The following RPL30 variants were observed in gnomAD, a reference collection of about 807,000 sequenced individuals.
The protein encoded by RPL30 is ribosomal protein L30.
For synonymous variants in RPL30, 40 were observed against 50.4 expected (o/e 0.79, Z 0.87); for missense variants, 60 against 138.0 (o/e 0.43, Z 2.83).
intron 4 of RPL30, chr8:98,042,269 T>C: frequency 2.0e-6 from 1 of 506,074 alleles, no homozygotes; most frequent in South Asian, 1.6e-5. Flanking sequence ...TGTAGATTTT[T>C]TGGCACTTTT....
chr8:98,045,439 G>C (rs535351227), intron 1 of RPL30, 40 bp from the exon 2 acceptor site: 2 of 1,597,360 alleles, frequency 1.3e-6, no homozygotes, highest in Admixed American at 1.7e-5. Context: ...TTTAGGATCC[G>C]GAGTTACAAA....
chr8:98,042,275 C>CTT, intron 4 of RPL30: 20 of 455,090 alleles, frequency 4.4e-5, no homozygotes, highest in East Asian at 1.1e-4. Context: ...TTTTTTGGCA[C>CTT]TTTTTTTTTT....
chr8:98,042,851 A>T (rs902229882), intron 3 of RPL30, 76 bp from the exon 4 acceptor site: 1 of 1,382,936 alleles, frequency 7.2e-7, no homozygotes, highest in African/African-American at 1.5e-5. Flanking sequence ...TACTTCTTTT[A>T]CTAGTGTTAA....
At chr8:98,045,206 T>C in intron 2 of RPL30, 118 bp from the exon 3 acceptor site, 1 of 1,536,824 alleles carries the variant, frequency 6.5e-7, no homozygotes, top group Non-Finnish European at 8.9e-7. Flanking sequence ...CCCAAGTCAT[T>C]GAGAGGGCCA....
intron 4 of RPL30, chr8:98,042,089 T>C (rs1344358692): frequency 1.5e-6 from 1 of 671,916 alleles, no homozygotes; most frequent in Non-Finnish European, 2.7e-6. Context: ...AAAATTGGTT[T>C]ATCACCAGCA....
intron 3 of RPL30, 151 bp downstream of exon 3, chr8:98,044,792 G>A (rs1814445885): frequency 2.4e-6 from 2 of 831,220 alleles, no homozygotes; most frequent in African/African-American, 3.4e-5. Context: ...GGGTCGGGGA[G>A]ACGGGAATGA....
chr8:98,043,028 G>T, intron 3 of RPL30: 1 of 303,822 alleles, frequency 3.3e-6, no homozygotes, highest in East Asian at 6.2e-5. Flanking sequence ...CAATACTCAC[G>T]GAAGAGGGTA....
intron 3 of RPL30, chr8:98,044,288 T>C (rs1814436143): frequency 6.6e-6 from 1 of 152,246 alleles, no homozygotes; most frequent in South Asian, 2.1e-4. Flanking sequence ...GCCGAACCCA[T>C]GGGACAAGAC....
chr8:98,042,671 A>C lies in RPL30; in HGVS notation c.272T>G (p.Val91Gly), dbSNP rs1814400454. 1 of 1,612,036 alleles carries C rather than the reference A, an allele frequency of 6.2e-7. No individual in the cohort carries two copies. The highest frequency in any genetic ancestry group is 8.5e-7 in the Non-Finnish European group (1 of 1,179,370). The change falls in exon 4 of 5, where the codon GTG (valine) becomes GGG (glycine). Residue 91 changes from valine (V) to glycine (G), a missense_variant. Transcript: ENST00000287038. ...LGTACGKYYR[V>G]CTLAIIDPGD... is the part of the protein sequence containing the mutation. ...TGGATCAATGATAGCCAGTGTGCAC[A>C]CTCTGTAGTATTTTCCGCATGCTGT...
At chr8:98,042,240 C>T (rs766853620) in intron 4 of RPL30, 8 of 524,372 alleles carry the variant, frequency 1.5e-5, no homozygotes, top group African/African-American at 7.7e-5. Flanking sequence ...CAAAGATTCA[C>T]AATTGGAAAA....
chr8:98,041,884 C>A (rs1235553633), intron 4 of RPL30, 34 bp from the exon 5 acceptor site: 1 of 1,445,626 alleles, frequency 6.9e-7, no homozygotes, highest in Non-Finnish European at 9.6e-7. Context: ...AGTAATTTTA[C>A]AATTCATTTA....
At chr8:98,042,176 G>A (rs1196199909) in intron 4 of RPL30, 1 of 576,396 alleles carries the variant, frequency 1.7e-6, no homozygotes, top group Non-Finnish European at 3.3e-6. Context: ...TGTTTAGCCT[G>A]TCCTGACTAT....
chr8:98,042,158 A>G (rs1444173200), intron 4 of RPL30: 1 of 594,376 alleles, frequency 1.7e-6, no homozygotes, highest in Non-Finnish European at 3.2e-6. Context: ...TGGTCTTAAT[A>G]TAGCGAATGT....
chr8:98,042,474 T>C (rs1814394735), intron 4 of RPL30, 171 bp downstream of exon 4: 2 of 622,776 alleles, frequency 3.2e-6, no homozygotes. Context: ...TTATAATGTA[T>C]TGGCATTCAT....
chr8:98,043,133 CT>C (rs898172381), intron 3 of RPL30: 59 of 153,966 alleles, frequency 3.8e-4, no homozygotes, highest in South Asian at 1.0e-3. Flanking sequence ...GTATTATGTA[CT>C]TTTTTTTTTG....
Position 98,045,349 on chromosome 8 carries a change from T to C in RPL30, c.19A>G (p.Thr7Ala). MVAAKK[T>A]KKSLESINSR... ...CGGGCCTGGCCCGCCTCACTCACCGTCTTCTTTGCGGCCACCATCTTCCTG... is the reference window on the plus strand; with the variant it reads ...CGGGCCTGGCCCGCCTCACTCACCGCCTTCTTTGCGGCCACCATCTTCCTG... Residue 7 changes from threonine (T) to alanine (A), a missense_variant and splice_region_variant, in exon 2 of 5, where the codon ACG becomes GCG. Coordinates refer to ENST00000287038, the MANE Select transcript of RPL30 (RefSeq NM_000989.4). 1 of 1,614,168 alleles carries C rather than the reference T, an allele frequency of 6.2e-7. No individual in the cohort carries two copies. Among genetic ancestry groups the C allele is most frequent in the Non-Finnish European group, 8.5e-7 (1 of 1,180,032 alleles).
At chr8:98,042,071 CAT>C in intron 4 of RPL30, 1 of 695,976 alleles carries the variant, frequency 1.4e-6, no homozygotes, top group East Asian at 2.8e-5. Context: ...ATAAAATGAT[CAT>C]ATAATAAAAT....
chr8:98,041,869 A>C lies in RPL30; in HGVS notation c.299-19T>G. 6.5e-6 allele frequency: 10 copies of C among 1,548,840 alleles called. No homozygotes were observed. The highest frequency in any genetic ancestry group is 8.8e-6 in the Non-Finnish European group (10 of 1,133,594). The stretch of plus-strand genomic sequence containing the variant: ...GAGTCACCTAAAAAATAAAAATAAA[A>C]AAACAGTAATTTTACAATTCATTTA... On this transcript the variant is annotated intron_variant, in intron 4 of 4. Coordinates refer to ENST00000287038, the MANE Select transcript of RPL30 (RefSeq NM_000989.4).
rs1814378900 is a variant in RPL30, at chr8:98,041,722, T to G, written c.*79A>C. 1 of 951,634 alleles carries G rather than the reference T, an allele frequency of 1.1e-6. No individual in the cohort carries two copies. The highest frequency in any genetic ancestry group is 1.7e-6 in the Non-Finnish European group (1 of 599,038). 58.9% of individuals were successfully genotyped at this position (951,634 alleles called of 1,614,324 possible). A position where few individuals can be genotyped will look rare whatever the true frequency, so the allele number is the denominator to read the frequency against. On this transcript the variant is annotated 3_prime_UTR_variant, in exon 5 of 5. Transcript: ENST00000287038. ...AAAAATACTGAAATAGATACAATGT[T>G]TTTAAAACAAGCAAATTTTATTAAA...
Sources: gnomAD v4.1 joint callset for allele counts on GRCh38, gnomAD v4.1.1 for gene constraint, MANE v1.5 for transcripts, NCBI Gene and HGNC (gene_info 2026-07-23, HGNC 2026-07-21) for gene names.